The following ACOXL variants were observed in gnomAD, a reference collection of about 807,000 sequenced individuals.
ACOXL encodes the protein acyl-CoA oxidase like.
In ACOXL, 70 loss-of-function variants were observed where a neutral mutation model predicts 71.9. The ratio of observed to expected loss-of-function variants is 0.97; its 90% CI spans 0.80 to 1.19. The LOEUF is 1.19. Ranked by LOEUF, ACOXL falls within the 50% of genes most tolerant of loss-of-function variation. ACOXL has a pLI of 0.00. For synonymous variants in ACOXL, 253 were observed against 281.6 expected (o/e 0.90, Z 1.02); for missense variants, 703 against 736.3 (o/e 0.95, Z 0.52).
At chr2:110,860,831 T>C (rs971071786) in intron 10 of ACOXL, among the ~76,000 whole-genome samples, 2 of 152,208 alleles carry the variant, frequency 1.3e-5, no homozygotes, top group African/African-American at 4.8e-5. Flanking sequence ...TATCTGCATC[T>C]GGGGACCACA....
At chr2:110,987,009 G>A in intron 12 of ACOXL, 99 bp from the exon 13 acceptor site, 1 of 976,294 alleles carries the variant, frequency 1.0e-6, no homozygotes, top group South Asian at 1.5e-5. Flanking sequence ...CTTCCAAGGA[G>A]TTTGCTAAGT....
intron 16 of ACOXL, among the ~76,000 whole-genome samples, chr2:111,050,022 T>TGAC (rs10660794): frequency 6.6e-6 from 1 of 151,830 alleles, no homozygotes; most frequent in Admixed American, 6.6e-5. Context: ...TTCCCACCAC[T>TGAC]AAGACTCATG....
intron 10 of ACOXL, among the ~76,000 whole-genome samples, chr2:110,906,213 T>C (rs1475819164): frequency 6.6e-6 from 1 of 152,082 alleles, no homozygotes; most frequent in Non-Finnish European, 1.5e-5. Context: ...GAGTTCGCCA[T>C]AGAAACAAAT....
rs144098981 is a variant in ACOXL at position 110,996,116 on chromosome 2, C to T, written c.1281+112C>T. ...GGATGAGTCAGCCTAATGACAAGCTCCTGGAAGCGGCTAGAGTTCCTACGG... is the reference window on the plus strand; with the variant it reads ...GGATGAGTCAGCCTAATGACAAGCTTCTGGAAGCGGCTAGAGTTCCTACGG... On this transcript the variant is annotated intron_variant, in intron 14 of 17. Coordinates refer to ENST00000439055, the MANE Select transcript of ACOXL (RefSeq NM_001142807.4). 4.1e-4 allele frequency: 364 copies of T among 885,458 alleles called. 3 individuals are homozygous for T. In the African/African-American group the frequency reaches 5.5e-3, roughly 13 times the overall value. 54.9% of individuals were successfully genotyped at this position (885,458 alleles called of 1,614,324 possible). A position where few individuals can be genotyped will look rare whatever the true frequency, so the allele number is the denominator to read the frequency against.
chr2:110,941,923 G>A (rs1574215574), intron 12 of ACOXL, among the ~76,000 whole-genome samples: 2 of 152,252 alleles, frequency 1.3e-5, no homozygotes, highest in South Asian at 4.1e-4. Flanking sequence ...AATACATGAT[G>A]TTTTTAGCAC....
chr2:110,732,834 C>G (rs1344101619), intron 1 of ACOXL, 60 bp downstream of exon 1: 1 of 152,330 alleles, frequency 6.6e-6, no homozygotes, highest in African/African-American at 2.4e-5. Flanking sequence ...CGTGTCCCCT[C>G]GGTCCCCGGA....
intron 1 of ACOXL, among the ~76,000 whole-genome samples, chr2:110,753,459 C>T (rs551374972): frequency 2.0e-5 from 3 of 152,332 alleles, no homozygotes; most frequent in South Asian, 4.1e-4. Context: ...AGTGTCCTCA[C>T]ATCTTGGCAA....
At chr2:111,047,109 C>T (rs1416515923) in intron 15 of ACOXL, among the ~76,000 whole-genome samples, 1 of 152,180 alleles carries the variant, frequency 6.6e-6, no homozygotes, top group African/African-American at 2.4e-5. Context: ...GCTCAGTGGC[C>T]TGGTGGCTGG....
chr2:110,798,871 A>G, intron 6 of ACOXL, 143 bp from the exon 7 acceptor site: 4 of 1,137,602 alleles, frequency 3.5e-6, no homozygotes, highest in Non-Finnish European at 5.2e-6. Flanking sequence ...TTATCATTAC[A>G]TTTTGACATT....
At chr2:110,955,849 C>T (rs1487088586) in intron 12 of ACOXL, among the ~76,000 whole-genome samples, 4 of 152,040 alleles carry the variant, frequency 2.6e-5, no homozygotes, top group African/African-American at 4.8e-5. Context: ...CTCTGGCATC[C>T]GGGTTGGAGG....
intron 11 of ACOXL, among the ~76,000 whole-genome samples, chr2:110,923,648 A>G (rs547952143): frequency 7.9e-5 from 12 of 152,252 alleles, no homozygotes; most frequent in African/African-American, 2.9e-4. Context: ...GAAACAGAGC[A>G]TGAGGCCTGG....
chr2:110,964,000 A>G (rs1471632988), intron 12 of ACOXL, among the ~76,000 whole-genome samples: 1 of 152,230 alleles, frequency 6.6e-6, no homozygotes, highest in Admixed American at 6.5e-5. Flanking sequence ...AAGATGAACA[A>G]GCAAAAGGCA....
intron 14 of ACOXL, among the ~76,000 whole-genome samples, chr2:111,016,004 A>G (rs2064412972): frequency 6.6e-6 from 1 of 151,992 alleles, no homozygotes; most frequent in African/African-American, 2.4e-5. Flanking sequence ...ACAATCATAG[A>G]TCACTTCAAC....
intron 12 of ACOXL, among the ~76,000 whole-genome samples, chr2:110,942,980 T>TGGGA (rs202168301): frequency 3.9e-5 from 2 of 50,886 alleles, no homozygotes; most frequent in Admixed American, 2.4e-4. Flanking sequence ...AAAAGAAGAG[T>TGGGA]GGGAGGGAGG....
intron 16 of ACOXL, among the ~76,000 whole-genome samples, chr2:111,083,856 G>A (rs994799950): frequency 1.7e-4 from 26 of 152,210 alleles, no homozygotes; most frequent in African/African-American, 4.6e-4. Flanking sequence ...TTTAGCTTTC[G>A]GAATTATTAT....
intron 12 of ACOXL, among the ~76,000 whole-genome samples, chr2:110,972,911 A>G (rs771506081): frequency 5.9e-5 from 9 of 152,208 alleles, no homozygotes; most frequent in South Asian, 2.1e-4. Flanking sequence ...GCACATATCA[A>G]TGCAGACTTT....
intron 1 of ACOXL, among the ~76,000 whole-genome samples, chr2:110,749,721 G>A (rs1678676290): frequency 1.3e-5 from 2 of 152,148 alleles, no homozygotes; most frequent in Non-Finnish European, 2.9e-5. Flanking sequence ...GAGGGAGACT[G>A]CATCTCAGAA....
At chr2:110,799,502 T>G (rs1282865887) in intron 7 of ACOXL, among the ~76,000 whole-genome samples, 1 of 152,178 alleles carries the variant, frequency 6.6e-6, no homozygotes, top group Non-Finnish European at 1.5e-5. Flanking sequence ...ACTGACTCAG[T>G]GCCCTAGTTT....
chr2:111,096,001 C>CA (rs200066891), intron 17 of ACOXL, among the ~76,000 whole-genome samples: 1,821 of 152,108 alleles, frequency 0.012, 30 homozygotes, highest in African/African-American at 0.041. Flanking sequence ...CCATTCTTCA[C>CA]AAAAAATATC....
Sources: allele counts gnomAD v4.1 joint callset (sites outside exome capture counted in the v4.1 genomes callset), GRCh38; gene constraint gnomAD v4.1.1; transcripts MANE v1.5; gene names NCBI Gene and HGNC (gene_info 2026-07-23, HGNC 2026-07-21).